RANBP2: variants seen among roughly 807,000 people sequenced by gnomAD.
RANBP2 encodes RAN binding protein 2, also known as E3 SUMO-protein ligase RanBP2.
A neutral mutation model predicts 303.6 loss-of-function variants in RANBP2; 57 were observed. That is an observed-to-expected ratio of 0.19 (90% CI 0.15 to 0.23). The LOEUF is 0.23. Among genes scored for constraint, RANBP2 ranks in the 10% least tolerant of loss-of-function variants. The pLI is 1.00. For synonymous variants in RANBP2, 1,167 were observed against 1,301.5 expected (o/e 0.90, Z 2.23); for missense variants, 3,138 against 3,780.8 (o/e 0.83, Z 4.46).
chr2:109,585,295 G>A, the RANBP2 span: 2 of 1,604,612 alleles, frequency 1.2e-6, no homozygotes, highest in South Asian at 1.1e-5. Flanking sequence ...GTGTCAATCA[G>A]TGTTGATTTT....
the RANBP2 span, among the ~76,000 whole-genome samples, chr2:108,954,566 C>T: frequency 3.3e-5 from 5 of 152,172 alleles, no homozygotes; most frequent in African/African-American, 1.2e-4. Context: ...GCTCATCCCA[C>T]CCAGCCCTGT....
the RANBP2 span, among the ~76,000 whole-genome samples, chr2:109,297,481 A>G: frequency 6.6e-6 from 1 of 152,028 alleles, no homozygotes; most frequent in African/African-American, 2.4e-5. Flanking sequence ...GGTGTGGGTC[A>G]GTGCTCCCCA....
chr2:109,261,171 C>T, the RANBP2 span, among the ~76,000 whole-genome samples: 2 of 152,144 alleles, frequency 1.3e-5, no homozygotes, highest in South Asian at 2.1e-4. Flanking sequence ...ACATTTCTGG[C>T]TCTGTCACAC....
chr2:108,761,995 T>C (rs1034326177), intron 18 of RANBP2, 106 bp from the exon 19 acceptor site: 33 of 1,477,638 alleles, frequency 2.2e-5, no homozygotes, highest in Non-Finnish European at 2.9e-5. Context: ...TAGTTAAATC[T>C]TTCTTTAATT....
chr2:109,167,204 A>G, the RANBP2 span, among the ~76,000 whole-genome samples: 1 of 152,212 alleles, frequency 6.6e-6, no homozygotes, highest in Non-Finnish European at 1.5e-5. Context: ...CCATATTTTT[A>G]AAAAGGATGA....
At chr2:108,910,161 C>T in the RANBP2 span, among the ~76,000 whole-genome samples, 6 of 152,198 alleles carry the variant, frequency 3.9e-5, no homozygotes, top group Non-Finnish European at 5.9e-5. Context: ...ATGTTCTGCC[C>T]TCCCAGTCTG....
the RANBP2 span, chr2:109,564,372 G>A: frequency 2.6e-6 from 4 of 1,559,250 alleles, no homozygotes; most frequent in Non-Finnish European, 3.5e-6. Flanking sequence ...CTACCTGACT[G>A]GCTTGTTTTC....
chr2:109,331,193 C>T, the RANBP2 span, among the ~76,000 whole-genome samples: 6 of 152,104 alleles, frequency 3.9e-5, no homozygotes, highest in Non-Finnish European at 1.5e-5. Flanking sequence ...TGGGGAATGC[C>T]GGGTGTCTTA....
the RANBP2 span, among the ~76,000 whole-genome samples, chr2:109,219,993 A>G: frequency 1.2e-4 from 19 of 152,224 alleles, no homozygotes; most frequent in Non-Finnish European, 2.9e-5. Context: ...GGAGGAGCAA[A>G]GTTGGAAGAC....
the RANBP2 span, among the ~76,000 whole-genome samples, chr2:108,806,270 G>A: frequency 6.6e-6 from 1 of 152,164 alleles, no homozygotes; most frequent in Non-Finnish European, 1.5e-5. Flanking sequence ...CCACTCTCTT[G>A]TGAGGATTTT....
chr2:109,217,951 C>T, the RANBP2 span, among the ~76,000 whole-genome samples: 1 of 152,166 alleles, frequency 6.6e-6, no homozygotes, highest in Non-Finnish European at 1.5e-5. Flanking sequence ...ACCTTTCCCT[C>T]GAGGGCTCTG....
At chr2:109,738,972 T>C in the RANBP2 span, among the ~76,000 whole-genome samples, 1 of 150,150 alleles carries the variant, frequency 6.7e-6, no homozygotes, top group East Asian at 1.9e-4. Context: ...CTTTTGCATA[T>C]AGATATCCAG....
the RANBP2 span, chr2:109,613,130 C>G: frequency 3.9e-6 from 5 of 1,274,882 alleles, no homozygotes; most frequent in Non-Finnish European, 5.1e-6. Flanking sequence ...CTTTGGAAAA[C>G]TCGATGTACA....
At chr2:109,388,845 G>T in the RANBP2 span, among the ~76,000 whole-genome samples, 1 of 150,486 alleles carries the variant, frequency 6.6e-6, no homozygotes, top group South Asian at 2.1e-4. Context: ...TAGAGAGAAG[G>T]GGGTATAGAG....
intron 1 of RANBP2, among the ~76,000 whole-genome samples, chr2:108,725,500 G>A (rs1216736235): frequency 3.3e-5 from 5 of 152,190 alleles, no homozygotes; most frequent in Non-Finnish European, 4.4e-5. Flanking sequence ...AATGGCTGAC[G>A]CCTGTAATCC....
the RANBP2 span, among the ~76,000 whole-genome samples, chr2:109,032,591 T>G: frequency 2.6e-5 from 4 of 151,166 alleles, no homozygotes; most frequent in Non-Finnish European, 4.4e-5. Context: ...CCCCATGGGG[T>G]GGGGTGGGGG....
rs368723291 is a variant in RANBP2, at chr2:108,778,144, AATAG to A, written c.8599+918_8599+921del. On this transcript the variant is annotated intron_variant, in intron 25 of 28. Coordinates refer to ENST00000283195, the MANE Select transcript of RANBP2 (RefSeq NM_006267.5). ...ACTTACACAAAAAAAATCCCAAAAA[AATAG>A]ATAGGCTCCTTGTTACTCAGTGTAG... Among the ~76,000 whole-genome samples, 37 of 152,342 alleles carry A rather than the reference AATAG, an allele frequency of 2.4e-4. No individual in the cohort carries two copies. In the East Asian group the frequency reaches 5.2e-3, roughly 21 times the overall value.
At chr2:109,037,078 G>A in the RANBP2 span, among the ~76,000 whole-genome samples, 1 of 152,036 alleles carries the variant, frequency 6.6e-6, no homozygotes, top group Non-Finnish European at 1.5e-5. Flanking sequence ...GAACCCTGGA[G>A]GTGGAGGTTG....
At chr2:109,321,036 C>G in the RANBP2 span, among the ~76,000 whole-genome samples, 1 of 152,188 alleles carries the variant, frequency 6.6e-6, no homozygotes, top group Non-Finnish European at 1.5e-5. Flanking sequence ...TCAAAAATGG[C>G]TGCTCTTACT....
Sources: allele counts gnomAD v4.1 joint callset (sites outside exome capture counted in the v4.1 genomes callset), GRCh38; gene constraint gnomAD v4.1.1; transcripts MANE v1.5; gene names NCBI Gene and HGNC (gene_info 2026-07-23, HGNC 2026-07-21).